Variants in KAZN observed in about 807,000 individuals in gnomAD.
The protein encoded by KAZN is kazrin, periplakin interacting protein.
A neutral mutation model predicts 87.4 loss-of-function variants in KAZN; 40 were observed. The ratio of observed to expected loss-of-function variants is 0.46; its 90% CI spans 0.36 to 0.60. The LOEUF is 0.60. Among genes scored for constraint, KAZN ranks in the 20% least tolerant of loss-of-function variants. The pLI, the probability that KAZN is intolerant of heterozygous loss-of-function variation, is 0.00. For synonymous variants in KAZN, 466 were observed against 458.3 expected (o/e 1.02, Z -0.22); for missense variants, 898 against 1,073.9 (o/e 0.84, Z 2.29).
intron 1 of KAZN, among the ~76,000 whole-genome samples, chr1:14,626,769 G>A (rs1179229150): frequency 2.6e-5 from 4 of 152,070 alleles, no homozygotes; most frequent in Admixed American, 2.6e-4. Context: ...ATGTTGCCAC[G>A]TGCAGCCTAC....
chr1:14,201,664 T>A (rs2100408745), intron 2 of KAZN, among the ~76,000 whole-genome samples: 1 of 152,360 alleles, frequency 6.6e-6, no homozygotes, highest in East Asian at 1.9e-4. Context: ...CCTGCCTTGG[T>A]ACATTGTTCG....
At chr1:14,018,676 C>T (rs558731331) in intron 1 of KAZN, among the ~76,000 whole-genome samples, 48 of 152,226 alleles carry the variant, frequency 3.2e-4, no homozygotes, top group Non-Finnish European at 5.9e-4. Context: ...CTGGATAGAA[C>T]AAAAATGCAG....
At chr1:14,782,121 G>C (rs1645369020) in intron 1 of KAZN, among the ~76,000 whole-genome samples, 1 of 152,150 alleles carries the variant, frequency 6.6e-6, no homozygotes, top group African/African-American at 2.4e-5. Context: ...GCTATTATTA[G>C]CATCAAAATT....
In KAZN at chr1:14,921,690, T is replaced by C. The variant is rs1016306758; in HGVS notation, c.227-38994T>C. 4.5e-4 allele frequency among the ~76,000 whole-genome samples: 69 copies of C among 152,122 alleles called. 5 individuals carry two copies. The highest frequency in any genetic ancestry group is 1.7e-4 in the African/African-American group (7 of 41,434). ...TCATACTTGTGCTGGGTTTTGTTTA[T>C]AGGGGTTTTTTTGTTGTTGTTCTTG... On this transcript the variant is annotated intron_variant, in intron 1 of 14. Transcript: ENST00000376030.
chr1:14,091,737 A>G (rs1405467117), intron 1 of KAZN, among the ~76,000 whole-genome samples: 2 of 152,216 alleles, frequency 1.3e-5, no homozygotes, highest in African/African-American at 4.8e-5. Context: ...AAAAATGCAC[A>G]TGGTCATGTA....
chr1:14,307,850 T>C (rs1282471794), intron 2 of KAZN, among the ~76,000 whole-genome samples: 2 of 152,152 alleles, frequency 1.3e-5, no homozygotes, highest in Non-Finnish European at 1.5e-5. Context: ...AATGAAGAAA[T>C]AGTAACTTTG....
intron 1 of KAZN, among the ~76,000 whole-genome samples, chr1:13,902,617 C>T (rs1282343146): frequency 3.9e-5 from 6 of 152,074 alleles, no homozygotes; most frequent in South Asian, 2.1e-4. Context: ...AGAAGGAATA[C>T]GATCTAGTGT....
At chr1:14,588,555 C>T (rs1571994145) in intron 2 of KAZN, among the ~76,000 whole-genome samples, 1 of 152,250 alleles carries the variant, frequency 6.6e-6, no homozygotes, top group African/African-American at 2.4e-5. Context: ...GCTCCATCCT[C>T]TGAGTCTGTG....
chr1:14,979,223 A>G (rs1043384341), intron 2 of KAZN, among the ~76,000 whole-genome samples: 4 of 151,876 alleles, frequency 2.6e-5, no homozygotes, highest in African/African-American at 9.7e-5. Context: ...CAGCCTGACC[A>G]ACGTGTGAAA....
intron 2 of KAZN, among the ~76,000 whole-genome samples, chr1:14,326,747 C>A (rs1202860574): frequency 1.3e-5 from 2 of 152,188 alleles, no homozygotes; most frequent in Non-Finnish European, 2.9e-5. Flanking sequence ...ACTCTGCCAC[C>A]TCAGGACTTT....
At chr1:14,493,753 T>C (rs191955945) in intron 2 of KAZN, among the ~76,000 whole-genome samples, 10 of 152,358 alleles carry the variant, frequency 6.6e-5, no homozygotes, top group Non-Finnish European at 1.5e-4. Context: ...ATTTTCTTGT[T>C]CTGCATTCTG....
chr1:15,004,616 G>T (rs553001361), intron 2 of KAZN, among the ~76,000 whole-genome samples: 30 of 152,296 alleles, frequency 2.0e-4, no homozygotes, highest in African/African-American at 7.0e-4. Flanking sequence ...TGGTCATTTT[G>T]TTTGCCGTCT....
chr1:14,429,805 A>C (rs1224215944), intron 2 of KAZN, among the ~76,000 whole-genome samples: 1 of 152,140 alleles, frequency 6.6e-6, no homozygotes, highest in Non-Finnish European at 1.5e-5. Flanking sequence ...GTTCCTATTG[A>C]GAAATGAGAC....
intron 1 of KAZN, among the ~76,000 whole-genome samples, chr1:14,862,967 C>G (rs1651038956): frequency 6.6e-6 from 1 of 152,216 alleles, no homozygotes; most frequent in African/African-American, 2.4e-5. Flanking sequence ...AGAGAAGTTA[C>G]CCGCAAAGCT....
intron 2 of KAZN, among the ~76,000 whole-genome samples, chr1:14,422,838 C>CT (rs1665511750): frequency 6.6e-6 from 1 of 152,186 alleles, no homozygotes; most frequent in Non-Finnish European, 1.5e-5. Flanking sequence ...ATCCCCAAGG[C>CT]TTTCCTTATG....
chr1:14,059,942 G>T (rs1642721863), intron 1 of KAZN, among the ~76,000 whole-genome samples: 2 of 152,152 alleles, frequency 1.3e-5, no homozygotes, highest in Non-Finnish European at 2.9e-5. Flanking sequence ...AACCTGTTCT[G>T]GAAGCCTATC....
intron 1 of KAZN, among the ~76,000 whole-genome samples, chr1:14,643,137 A>T (rs1025063165): frequency 3.3e-5 from 5 of 152,234 alleles, no homozygotes; most frequent in African/African-American, 1.2e-4. Context: ...CAGATGAACC[A>T]TGACTCCACA....
intron 1 of KAZN, among the ~76,000 whole-genome samples, chr1:14,811,492 C>T (rs1173734656): frequency 3.3e-5 from 5 of 152,162 alleles, no homozygotes; most frequent in African/African-American, 1.2e-4. Context: ...AATAGTAGAT[C>T]AGTATTTTAA....
intron 2 of KAZN, among the ~76,000 whole-genome samples, chr1:14,432,058 T>C (rs1403228861): frequency 6.6e-6 from 1 of 152,030 alleles, no homozygotes; most frequent in Non-Finnish European, 1.5e-5. Context: ...TCTCCCAGAA[T>C]TGTGCTAAAA....
Sources: gnomAD v4.1 joint callset for allele counts (sites outside exome capture counted in the v4.1 genomes callset) on GRCh38, gnomAD v4.1.1 for gene constraint, MANE v1.5 for transcripts, NCBI Gene and HGNC (gene_info 2026-07-23, HGNC 2026-07-21) for gene names.